PCDH15: variants seen among roughly 807,000 people sequenced by gnomAD.
PCDH15 encodes the protein protocadherin-15.
PCDH15 carries 129 observed loss-of-function variants against 178.5 expected under a neutral mutation model. The observed-to-expected ratio is 0.72, with a 90% CI of 0.63 to 0.84. PCDH15 has a LOEUF of 0.84. PCDH15 is among the 40% of genes least tolerant of loss of function. PCDH15 has a pLI of 0.00. For synonymous variants in PCDH15, 800 were observed against 732.0 expected (o/e 1.09, Z -1.50); for missense variants, 2,230 against 2,099.9 (o/e 1.06, Z -1.21).
chr10:54,972,883 A>ATT, intron 2 of PCDH15, among the ~76,000 whole-genome samples: 1 of 150,070 alleles, frequency 6.7e-6, no homozygotes, highest in Non-Finnish European at 1.5e-5. Flanking sequence ...ATACTCAGAG[A>ATT]TTTTTACCTA....
intron 3 of PCDH15, among the ~76,000 whole-genome samples, chr10:54,459,412 TA>T (rs112871600): frequency 0.014 from 2,159 of 152,176 alleles, 55 homozygotes; most frequent in African/African-American, 0.05. Context: ...CTCTTGTTTA[TA>T]TCAATTACCC....
chr10:55,262,678 T>C (rs781152923), intron 1 of PCDH15, among the ~76,000 whole-genome samples: 1 of 152,008 alleles, frequency 6.6e-6, no homozygotes, highest in African/African-American at 2.4e-5. Context: ...TCCCACTGCA[T>C]CTCCCTTCTG....
chr10:53,904,830 T>C (rs1333508714), intron 25 of PCDH15, among the ~76,000 whole-genome samples: 2 of 152,180 alleles, frequency 1.3e-5, no homozygotes, highest in Admixed American at 1.3e-4. Context: ...TAAAAAGGAA[T>C]TTTAGAATAT....
chr10:54,407,555 C>T (rs1952850972), intron 3 of PCDH15, among the ~76,000 whole-genome samples: 1 of 151,952 alleles, frequency 6.6e-6, no homozygotes, highest in Non-Finnish European at 1.5e-5. Context: ...AAGCATTTGT[C>T]ACATGTTTTT....
intron 1 of PCDH15, among the ~76,000 whole-genome samples, chr10:55,191,230 T>C (rs1449798197): frequency 1.3e-5 from 2 of 150,572 alleles, no homozygotes; most frequent in African/African-American, 4.8e-5. Flanking sequence ...TTGTGACATA[T>C]CCTGTTAGTT....
intron 1 of PCDH15, among the ~76,000 whole-genome samples, chr10:54,668,300 G>C (rs1565897598): frequency 6.6e-6 from 1 of 152,058 alleles, no homozygotes; most frequent in Non-Finnish European, 1.5e-5. Flanking sequence ...ATGTTAAAAT[G>C]TAATAAGTGA....
chr10:54,143,907 T>G (rs2043637382), intron 14 of PCDH15, among the ~76,000 whole-genome samples: 1 of 152,120 alleles, frequency 6.6e-6, no homozygotes, highest in South Asian at 2.1e-4. Context: ...GAAGTGGTTA[T>G]TTTCTTAGGG....
intron 2 of PCDH15, chr10:55,599,675 C>T: frequency 3.1e-6 from 1 of 319,304 alleles, no homozygotes; most frequent in South Asian, 1.0e-4. Flanking sequence ...TAATAGACAT[C>T]TTATTATCTT....
chr10:55,375,834 TAA>T (rs748161641), intron 2 of PCDH15, among the ~76,000 whole-genome samples: 5 of 152,008 alleles, frequency 3.3e-5, no homozygotes, highest in Non-Finnish European at 2.9e-5. Context: ...TTTAGTAGAA[TAA>T]AAAATTTAAC....
chr10:54,935,121 C>A (rs1267042168), intron 2 of PCDH15, among the ~76,000 whole-genome samples: 1 of 151,498 alleles, frequency 6.6e-6, no homozygotes, highest in Admixed American at 6.6e-5. Flanking sequence ...AGGAGATATA[C>A]CTAATGCTAA....
At chr10:53,999,441 T>C (rs547592448) in intron 20 of PCDH15, among the ~76,000 whole-genome samples, 1 of 152,338 alleles carries the variant, frequency 6.6e-6, no homozygotes, top group African/African-American at 2.4e-5. Flanking sequence ...TACTGACTTA[T>C]TTCCCTTCTT....
intron 8 of PCDH15, among the ~76,000 whole-genome samples, chr10:54,304,828 G>C (rs924613219): frequency 5.3e-5 from 8 of 151,850 alleles, no homozygotes; most frequent in African/African-American, 1.7e-4. Flanking sequence ...TTGGGAAGTA[G>C]ATAAATTCAT....
At chr10:55,582,401 A>C (rs1842632325) in intron 2 of PCDH15, among the ~76,000 whole-genome samples, 1 of 151,986 alleles carries the variant, frequency 6.6e-6, no homozygotes, top group African/African-American at 2.4e-5. Context: ...TTATAAAAGA[A>C]AGGTCTATAT....
intron 2 of PCDH15, among the ~76,000 whole-genome samples, chr10:54,971,393 A>C (rs1372194283): frequency 6.6e-6 from 1 of 152,138 alleles, no homozygotes; most frequent in African/African-American, 2.4e-5. Flanking sequence ...ATGTCAAAAA[A>C]ATGCCATCTT....
At chr10:54,892,817 C>A (rs973205192) in intron 3 of PCDH15, among the ~76,000 whole-genome samples, 24 of 151,496 alleles carry the variant, frequency 1.6e-4, no homozygotes, top group Admixed American at 1.4e-3. Context: ...GCCTCTGCCC[C>A]CCAGGTTCAA....
intron 4 of PCDH15, among the ~76,000 whole-genome samples, chr10:54,374,983 C>T (rs145495326): frequency 7.7e-4 from 117 of 152,086 alleles, no homozygotes; most frequent in Non-Finnish European, 1.1e-3. Context: ...ATTCAAACGT[C>T]CCCATTAAGA....
chr10:53,820,322 A>C (rs1343919329), intron 32 of PCDH15, 92 bp from the exon 33 acceptor site: 1 of 394,932 alleles, frequency 2.5e-6, no homozygotes, highest in Non-Finnish European at 4.5e-6. Context: ...ATTTTGAAGC[A>C]GATGGGCTAA....
chr10:54,279,674 C>A (rs1451978436), intron 8 of PCDH15, among the ~76,000 whole-genome samples: 1 of 151,676 alleles, frequency 6.6e-6, no homozygotes, highest in African/African-American at 2.4e-5. Flanking sequence ...CACTCACTTT[C>A]CCATTACAAT....
At chr10:54,888,426 T>C (rs1954400155) in intron 3 of PCDH15, among the ~76,000 whole-genome samples, 1 of 152,102 alleles carries the variant, frequency 6.6e-6, no homozygotes, top group Non-Finnish European at 1.5e-5. Flanking sequence ...AATTTATATA[T>C]GTATATACAC....
Sources: gnomAD v4.1 joint callset for allele counts (sites outside exome capture counted in the v4.1 genomes callset) on GRCh38, gnomAD v4.1.1 for gene constraint, MANE v1.5 for transcripts, NCBI Gene and HGNC (gene_info 2026-07-23, HGNC 2026-07-21) for gene names.